The following YARS1 variants were observed in gnomAD, a reference collection of about 807,000 sequenced individuals.
YARS1 encodes the protein tyrosine--tRNA ligase, cytoplasmic.
Under a neutral mutation model 62.2 loss-of-function variants are expected in YARS1, and 36 were observed. The ratio of observed to expected loss-of-function variants is 0.58; its 90% CI spans 0.44 to 0.76. YARS1 has a LOEUF of 0.76. Among genes scored for constraint, YARS1 ranks in the 30% least tolerant of loss-of-function variants. The pLI, the probability that YARS1 is intolerant of heterozygous loss-of-function variation, is 0.00. For synonymous variants in YARS1, 234 were observed against 244.9 expected, an observed-to-expected ratio of 0.96 and a Z score of 0.42; for missense variants, 524 against 639.8, an observed-to-expected ratio of 0.82 and a Z score of 1.95.
intron 1 of YARS1, among the ~76,000 whole-genome samples, chr1:32,816,051 A>G (rs1489169677): frequency 6.7e-6 from 1 of 148,978 alleles, no homozygotes; most frequent in Admixed American, 6.9e-5. Context: ...GGAGGTTGCA[A>G]TGAGCCGAGA....
At chr1:32,804,521 C>T (rs901679209) in intron 4 of YARS1, among the ~76,000 whole-genome samples, 11 of 150,474 alleles carry the variant, frequency 7.3e-5, no homozygotes, top group African/African-American at 2.0e-4. Flanking sequence ...TCAGACGGGG[C>T]GGCTGGGCAA....
intron 8 of YARS1, among the ~76,000 whole-genome samples, chr1:32,784,419 C>T (rs909470948): frequency 3.4e-4 from 52 of 152,142 alleles, no homozygotes; most frequent in African/African-American, 1.1e-3. Context: ...TCACATCTTC[C>T]CTTTGTGACC....
In YARS1 at chr1:32,811,076, A is replaced by C; in HGVS notation, c.58-19T>G. ...GAACCTCCTATTGTGGAAGCAGAAG[A>C]GTTAGTTTAATGTCAGTGCCTCACC... On this transcript the variant is annotated intron_variant, in intron 1 of 12. Transcript: ENST00000373477. 1 of 1,613,850 alleles carries C rather than the reference A, an allele frequency of 6.2e-7. No homozygotes were observed. The highest frequency in any genetic ancestry group is 8.5e-7 in the Non-Finnish European group (1 of 1,179,974).
chr1:32,804,638 C>T (rs537106482), intron 4 of YARS1, among the ~76,000 whole-genome samples: 1 of 149,360 alleles, frequency 6.7e-6, no homozygotes, highest in South Asian at 2.1e-4. Flanking sequence ...CCAGACGGGG[C>T]GGCGGGGCAG....
At chr1:32,813,114 C>T (rs1190532349) in intron 1 of YARS1, among the ~76,000 whole-genome samples, 1 of 152,106 alleles carries the variant, frequency 6.6e-6, no homozygotes, top group Non-Finnish European at 1.5e-5. Context: ...AGAACCCCCA[C>T]CCCCTTTCTG....
chr1:32,805,899 T>G (rs1051915816), intron 4 of YARS1, among the ~76,000 whole-genome samples: 4 of 152,020 alleles, frequency 2.6e-5, no homozygotes, highest in African/African-American at 9.7e-5. Flanking sequence ...GAGGCGGAGG[T>G]TGCAGTGAGC....
chr1:32,808,846 T>A (rs1178313516), intron 3 of YARS1, among the ~76,000 whole-genome samples: 1 of 152,236 alleles, frequency 6.6e-6, no homozygotes, highest in Non-Finnish European at 1.5e-5. Context: ...CGCCATCTGA[T>A]ACACATATAA....
rs149620809 is a variant in YARS1, at chr1:32,780,128, T to A, written c.1291A>T (p.Met431Leu). The change falls in exon 11 of 13, where the codon ATG becomes TTG. Residue 431 changes from methionine (M) to leucine (L), a missense_variant. By Grantham distance (15) the Met-to-Leu change is conservative. Coordinates refer to ENST00000373477, the MANE Select transcript of YARS1 (RefSeq NM_003680.4). ...ATGCCTTGGGACTCGACTCCTCTCA[T>A]CTTCTGGGGTTTCAGGTTGCACAGC... is the stretch of plus-strand genomic sequence containing the variant. ...VVLCNLKPQK[M>L]RGVESQGMLL... 2.1e-4 allele frequency: 333 copies of A among 1,614,112 alleles called. No homozygotes were observed. The African/African-American group carries it at 4.0e-3, about 19-fold the overall frequency.
chr1:32,810,998 G>A lies in YARS1; in HGVS notation c.117C>T (p.Tyr39=). The change falls in exon 2 of 13, where the codon TAC becomes TAT. Residue 39 remains tyrosine (Y), a synonymous_variant. Coordinates refer to ENST00000373477, the MANE Select transcript of YARS1 (RefSeq NM_003680.4). ...GTTTGCCCGTGGTTGCCGTTCCCCA[G>A]TAAATTTTAAGTTCCCGCTCCTTCA... ...EILKERELKI[Y]WGTATTGKPH... 6.2e-7 allele frequency: 1 copy of A among 1,614,156 alleles called. No homozygotes were observed. The highest frequency in any genetic ancestry group is 8.5e-7 in the Non-Finnish European group (1 of 1,180,048).
At chr1:32,785,025 T>C (rs1212844328) in intron 8 of YARS1, among the ~76,000 whole-genome samples, 1 of 152,198 alleles carries the variant, frequency 6.6e-6, no homozygotes. Context: ...CTGAGTTAGG[T>C]CCTTTATTCC....
intron 6 of YARS1, chr1:32,790,635 CTTT>C (rs554417955): frequency 2.9e-5 from 4 of 139,306 alleles, no homozygotes; most frequent in Admixed American, 7.2e-5. Flanking sequence ...CTAATCAACA[CTTT>C]TTTTTTTTTT....
In YARS1 at chr1:32,810,781, A is replaced by G. The variant is rs1638566711; in HGVS notation, c.205-15T>C. On this transcript the variant is annotated splice_polypyrimidine_tract_variant and intron_variant, in intron 2 of 12. Transcript: ENST00000373477. ...AGAATTGTTACCTGGACAAGAGATA[A>G]GGGGCCACCAAAATGTGAATTTGTC... is the stretch of plus-strand genomic sequence containing the variant. The G allele has an allele frequency of 6.2e-7, 1 of 1,614,034 alleles. No homozygotes were observed. Among genetic ancestry groups the G allele is most frequent in the Non-Finnish European group, 8.5e-7 (1 of 1,180,030 alleles).
At chr1:32,787,129 T>C in intron 6 of YARS1, 54 bp from the exon 7 acceptor site, 2 of 1,609,270 alleles carry the variant, frequency 1.2e-6, no homozygotes, top group Non-Finnish European at 8.5e-7. Context: ...GAGAATATGC[T>C]CAACTAATAT....
chr1:32,775,991 T>G lies in YARS1; in HGVS notation c.1577A>C (p.Asn526Thr), dbSNP rs771633110. The G allele has an allele frequency of 1.2e-6, 2 of 1,613,868 alleles. No individual in the cohort carries two copies. Among genetic ancestry groups the G allele is most frequent in the Non-Finnish European group, 1.7e-6 (2 of 1,179,874 alleles). The change falls in exon 13 of 13, where the codon AAC becomes ACC. Residue 526 changes from asparagine (N) to threonine (T), a missense_variant. Physicochemically the swap from Asn to Thr is moderately conservative, Grantham distance 65 (BLOSUM62 0). Coordinates refer to ENST00000373477, the MANE Select transcript of YARS1 (RefSeq NM_003680.4). ...SISCKSLKGG[N>T]IS ...AAGATGCTGGGCTGGCTAGCTAATG[T>G]TCCCCCCTTTCAGCGATTTACAGGA...
chr1:32,786,152 C>T (rs1653219731), intron 8 of YARS1, among the ~76,000 whole-genome samples: 1 of 152,116 alleles, frequency 6.6e-6, no homozygotes, highest in South Asian at 2.1e-4. Context: ...AACAAAATTC[C>T]TAAGTCAGAA....
At chr1:32,806,851 C>T (rs561912655) in intron 3 of YARS1, among the ~76,000 whole-genome samples, 10 of 152,260 alleles carry the variant, frequency 6.6e-5, no homozygotes, top group Admixed American at 5.9e-4. Context: ...CAAAAACTAC[C>T]TATTGGGTAT....
At chr1:32,798,032 G>A (rs1269009224) in intron 4 of YARS1, 189 bp from the exon 5 acceptor site, 8 of 558,808 alleles carry the variant, frequency 1.4e-5, no homozygotes, top group South Asian at 7.8e-5. Context: ...CACCACGCCC[G>A]GCTAATTTTT....
At chr1:32,810,867 C>G (rs1418612979) in intron 2 of YARS1, 44 bp downstream of exon 2, 1 of 1,614,088 alleles carries the variant, frequency 6.2e-7, no homozygotes, top group South Asian at 1.1e-5. Flanking sequence ...TCTCTTGGGT[C>G]TCCCTTGGGT....
intron 1 of YARS1, among the ~76,000 whole-genome samples, chr1:32,813,941 T>TAA (rs1416918402): frequency 6.6e-6 from 1 of 152,176 alleles, no homozygotes; most frequent in Non-Finnish European, 1.5e-5. Flanking sequence ...CAACTGTTCT[T>TAA]ATTTTTCCTA....
Sources: gnomAD v4.1 joint callset for allele counts (sites outside exome capture counted in the v4.1 genomes callset) on GRCh38, gnomAD v4.1.1 for gene constraint, MANE v1.5 for transcripts, NCBI Gene and HGNC (gene_info 2026-07-23, HGNC 2026-07-21) for gene names.